UNC5D: variants seen among roughly 807,000 people sequenced by gnomAD.
UNC5D encodes netrin receptor UNC5D.
UNC5D carries 39 observed loss-of-function variants against 105.4 expected under a neutral mutation model. The observed-to-expected ratio is 0.37, with a 90% confidence interval of 0.29 to 0.48. The LOEUF is 0.48. Ranked by LOEUF, UNC5D falls within the 20% of genes least tolerant of loss-of-function variation. UNC5D has a pLI of 0.98. For synonymous variants in UNC5D, 452 were observed against 450.4 expected (o/e 1.00, Z -0.04); for missense variants, 991 against 1,202.4 (o/e 0.82, Z 2.60).
chr8:35,343,545 T>G (rs1811603896), intron 1 of UNC5D, among the ~76,000 whole-genome samples: 1 of 152,136 alleles, frequency 6.6e-6, no homozygotes, highest in Non-Finnish European at 1.5e-5. Flanking sequence ...GAGGGCTTAA[T>G]AGGTAAAATA....
At chr8:35,646,521 C>T (rs1823060422) in intron 4 of UNC5D, among the ~76,000 whole-genome samples, 1 of 152,060 alleles carries the variant, frequency 6.6e-6, no homozygotes, top group Non-Finnish European at 1.5e-5. Flanking sequence ...GAAACATGGG[C>T]TCCTGTGTCA....
chr8:35,633,583 A>G (rs376521790), intron 4 of UNC5D, among the ~76,000 whole-genome samples: 3 of 151,882 alleles, frequency 2.0e-5, no homozygotes, highest in African/African-American at 7.3e-5. Context: ...CCTCATCTCT[A>G]CAAAAAAAAA....
rs60977327 is a variant in UNC5D at position 35,447,240 on chromosome 8, T to C, written c.104-102052T>C. On this transcript the variant is annotated intron_variant, in intron 1 of 16. Transcript: ENST00000404895. ...AGATGTACAATCTAGTAAATGCTTA[T>C]CACTAACTCTACAAAATATGTACTA... 3.7e-3 allele frequency among the ~76,000 whole-genome samples: 560 copies of C among 152,230 alleles called. 7 individuals are homozygous for C. The highest frequency in any genetic ancestry group is 0.013 in the African/African-American group (523 of 41,558).
intron 4 of UNC5D, among the ~76,000 whole-genome samples, chr8:35,657,078 G>GTA (rs1823800749): frequency 7.6e-4 from 61 of 80,542 alleles, no homozygotes; most frequent in African/African-American, 1.3e-3. Flanking sequence ...GTGTGTGTGT[G>GTA]TGTATATATA....
intron 1 of UNC5D, among the ~76,000 whole-genome samples, chr8:35,259,494 G>T (rs562195077): frequency 6.6e-6 from 1 of 152,150 alleles, no homozygotes; most frequent in African/African-American, 2.4e-5. Context: ...TTTTCCAGCC[G>T]TGGACTCCAG....
At chr8:35,666,776 T>C (rs1195237258) in intron 4 of UNC5D, among the ~76,000 whole-genome samples, 2 of 152,150 alleles carry the variant, frequency 1.3e-5, no homozygotes, top group African/African-American at 2.4e-5. Context: ...GAAAACTCAA[T>C]TTGGTTAGTG....
chr8:35,365,300 T>A (rs766167814), intron 1 of UNC5D, among the ~76,000 whole-genome samples: 5 of 151,958 alleles, frequency 3.3e-5, no homozygotes, highest in South Asian at 2.1e-4. Context: ...TTTTATACAG[T>A]CTTCTATCTT....
intron 1 of UNC5D, among the ~76,000 whole-genome samples, chr8:35,304,570 A>C (rs933959834): frequency 5.9e-5 from 9 of 152,234 alleles, no homozygotes; most frequent in African/African-American, 2.2e-4. Context: ...GTAAGTGCAC[A>C]AGCGTGTGTA....
intron 1 of UNC5D, among the ~76,000 whole-genome samples, chr8:35,347,313 T>C (rs1811873698): frequency 6.6e-6 from 1 of 151,988 alleles, no homozygotes; most frequent in South Asian, 2.1e-4. Context: ...CATTCATGTT[T>C]AGAGGCTTTA....
chr8:35,383,724 T>C (rs1803187385), intron 1 of UNC5D, among the ~76,000 whole-genome samples: 1 of 152,226 alleles, frequency 6.6e-6, no homozygotes. Context: ...CCTTGTTTTA[T>C]TGTTGAAATA....
intron 4 of UNC5D, among the ~76,000 whole-genome samples, chr8:35,600,151 C>T (rs1223244330): frequency 1.3e-5 from 2 of 152,116 alleles, no homozygotes; most frequent in Non-Finnish European, 2.9e-5. Context: ...TTTATGGCTG[C>T]ATAGTATTCC....
intron 4 of UNC5D, among the ~76,000 whole-genome samples, chr8:35,637,400 C>G (rs1277404089): frequency 6.6e-6 from 1 of 152,188 alleles, no homozygotes; most frequent in Non-Finnish European, 1.5e-5. Context: ...TGTAGTTTTA[C>G]TTCACCTCCC....
Position 35,425,911 on chromosome 8 carries a change from A to T in UNC5D, c.104-123381A>T, listed in dbSNP as rs370725633. Among the ~76,000 whole-genome samples the T allele has an allele frequency of 2.6e-5, 4 of 152,276 alleles. No homozygotes were observed. In the East Asian group the frequency reaches 7.7e-4, roughly 29 times the overall value. ...TGGCGTTTAACCATTTCAGGGTCAG[A>T]AGAAACCTAAAAACCATCTGGTTTA... On this transcript the variant is annotated intron_variant, in intron 1 of 16. Transcript: ENST00000404895.
intron 1 of UNC5D, among the ~76,000 whole-genome samples, chr8:35,318,211 T>A (rs1809449479): frequency 6.6e-6 from 1 of 151,936 alleles, no homozygotes; most frequent in South Asian, 2.1e-4. Context: ...TCTACATAAA[T>A]GTAAAAAATA....
chr8:35,491,345 TTAATG>T (rs1490706941), intron 1 of UNC5D, among the ~76,000 whole-genome samples: 1 of 152,178 alleles, frequency 6.6e-6, no homozygotes. Flanking sequence ...ATATTGGCAA[TTAATG>T]TAATGATTTA....
At chr8:35,700,391 C>T (rs1449867565) in intron 7 of UNC5D, among the ~76,000 whole-genome samples, 3 of 151,874 alleles carry the variant, frequency 2.0e-5, no homozygotes, top group Non-Finnish European at 4.4e-5. Context: ...ATGTTAGGGA[C>T]CCATAACTGA....
chr8:35,631,479 A>G (rs901514197), intron 4 of UNC5D, among the ~76,000 whole-genome samples: 1 of 152,192 alleles, frequency 6.6e-6, no homozygotes, highest in African/African-American at 2.4e-5. Context: ...GGGCAGTATC[A>G]GTTGTCCTTT....
At position 35,790,725 on chromosome 8, in the gene UNC5D, A is replaced by G. The variant is rs1465750845; in HGVS notation, c.*162A>G. The G allele has an allele frequency of 7.2e-6, 5 of 697,238 alleles. No homozygotes were observed. The highest frequency in any genetic ancestry group is 1.2e-5 in the Non-Finnish European group (5 of 416,902). The allele number at this position is 697,238 out of a possible 1,614,324, so 43.2% of individuals were successfully genotyped here. A position where few individuals can be genotyped will look rare whatever the true frequency, so the allele number is the denominator to read the frequency against. On this transcript the variant is annotated 3_prime_UTR_variant, in exon 17 of 17. Transcript: ENST00000404895. ...AAACTAAATTTTATATAGGTAAAAC[A>G]TGTTAATAGGGAAGAGTACAAGCTC...
chr8:35,688,107 G>A (rs1194251362), intron 7 of UNC5D, among the ~76,000 whole-genome samples: 3 of 151,882 alleles, frequency 2.0e-5, no homozygotes, highest in Admixed American at 6.6e-5. Context: ...ACTCCAGCCT[G>A]GGTGACAGAG....
Sources: allele counts gnomAD v4.1 joint callset (sites outside exome capture counted in the v4.1 genomes callset), GRCh38; gene constraint gnomAD v4.1.1; transcripts MANE v1.5; gene names NCBI Gene and HGNC (gene_info 2026-07-23, HGNC 2026-07-21).